Variants in GFRA2 observed in about 807,000 individuals in gnomAD.
GFRA2 encodes GDNF family receptor alpha-2.
Under a neutral mutation model 48.3 loss-of-function variants are expected in GFRA2, and 17 were observed. The observed-to-expected ratio is 0.35, with a 90% CI of 0.24 to 0.53. GFRA2 has a LOEUF of 0.53. Ranked by LOEUF, GFRA2 falls within the 20% of genes least tolerant of loss-of-function variation. The pLI is 0.93. For missense variants in GFRA2, 660 were observed against 637.3 expected (o/e 1.04, Z -0.38); for synonymous variants, 305 against 257.2 (o/e 1.19, Z -1.78).
chr8:21,764,379 T>C (rs558980240), intron 3 of GFRA2, among the ~76,000 whole-genome samples: 4 of 152,308 alleles, frequency 2.6e-5, no homozygotes, highest in Admixed American at 2.0e-4. Flanking sequence ...CATGTCCTAA[T>C]CACCTCCCAA....
At chr8:21,705,199 C>T in intron 5 of GFRA2, 74 bp from the exon 6 acceptor site, 1 of 1,477,524 alleles carries the variant, frequency 6.8e-7, no homozygotes, top group African/African-American at 1.4e-5. Flanking sequence ...AGACCAACCC[C>T]AGGCACAGCA....
rs1166723445 is a variant in GFRA2, at chr8:21,788,135, G to C, written c.25C>G (p.Leu9Val). The part of the protein sequence containing the change: MILANVFC[L>V]FFFLDETLRS... Reference sequence around the variant, plus strand: ...AGGTACTCACCTAGAAAGAAGAAGAGGCAGAAGACGTTTGCCAAGATCATG... The same window carrying C: ...AGGTACTCACCTAGAAAGAAGAAGACGCAGAAGACGTTTGCCAAGATCATG... Residue 9 changes from leucine (L) to valine (V), a missense_variant, in exon 1 of 9, where the codon CTC (leucine) becomes GTC (valine). Leu to Val is a conservative substitution (Grantham distance 32). Transcript: ENST00000524240. 2 of 1,593,290 alleles carry C rather than the reference G, an allele frequency of 1.3e-6. No homozygotes were observed. Among genetic ancestry groups the C allele is most frequent in the Non-Finnish European group, 1.7e-6 (2 of 1,168,520 alleles).
At chr8:21,766,665 A>G (rs958166830) in intron 3 of GFRA2, among the ~76,000 whole-genome samples, 5 of 145,456 alleles carry the variant, frequency 3.4e-5, no homozygotes, top group African/African-American at 1.3e-4. Context: ...CCCTAAGAGG[A>G]TGAACAGGGG....
intron 3 of GFRA2, 75 bp downstream of exon 3, chr8:21,774,897 C>T: frequency 7.3e-6 from 6 of 826,736 alleles, no homozygotes; most frequent in Non-Finnish European, 1.3e-5. Flanking sequence ...GATGCCTGTC[C>T]AAGCCCAGAG....
At chr8:21,799,990 T>C (rs1807743214) in intron 2 of GFRA2, among the ~76,000 whole-genome samples, 1 of 152,204 alleles carries the variant, frequency 6.6e-6, no homozygotes, top group Non-Finnish European at 1.5e-5. Flanking sequence ...TCCCATTGCA[T>C]GGTGCACTTT....
upstream of GFRA2, among the ~76,000 whole-genome samples, chr8:21,789,429 G>A (rs1408206282): frequency 6.6e-6 from 1 of 152,036 alleles, no homozygotes. Context: ...GGAGTCCGTG[G>A]GGCCCGAGCC....
chr8:21,811,166 A>C (rs1807973410), intron 1 of GFRA2, among the ~76,000 whole-genome samples: 2 of 152,112 alleles, frequency 1.3e-5, no homozygotes, highest in East Asian at 3.9e-4. Flanking sequence ...AGAGGCCTTT[A>C]GGGCCCCTGT....
intron 2 of GFRA2, among the ~76,000 whole-genome samples, chr8:21,799,021 A>G (rs956954755): frequency 1.3e-5 from 2 of 152,194 alleles, no homozygotes; most frequent in Non-Finnish European, 2.9e-5. Context: ...CAATGAGTGT[A>G]GAATGAATGA....
At chr8:21,738,596 A>G (rs528184613) in intron 4 of GFRA2, among the ~76,000 whole-genome samples, 1 of 152,256 alleles carries the variant, frequency 6.6e-6, no homozygotes, top group East Asian at 1.9e-4. Context: ...CCTGGCCCAG[A>G]GTCCACGGCT....
chr8:21,725,067 G>A (rs893202987), intron 4 of GFRA2, among the ~76,000 whole-genome samples: 2 of 152,198 alleles, frequency 1.3e-5, no homozygotes, highest in Admixed American at 6.5e-5. Flanking sequence ...TTGAGTGATT[G>A]ATTTGAAGGG....
At chr8:21,741,132 G>A (rs956090691) in intron 4 of GFRA2, among the ~76,000 whole-genome samples, 2 of 152,196 alleles carry the variant, frequency 1.3e-5, no homozygotes, top group African/African-American at 4.8e-5. Flanking sequence ...GGCTTCAGAA[G>A]CTCCTTTCCA....
intron 4 of GFRA2, among the ~76,000 whole-genome samples, chr8:21,721,933 C>T (rs1422521553): frequency 2.0e-5 from 3 of 152,276 alleles, no homozygotes; most frequent in East Asian, 3.9e-4. Context: ...GAGAAAACTG[C>T]GTAGACAAAT....
At chr8:21,736,710 C>T (rs1186609936) in intron 4 of GFRA2, among the ~76,000 whole-genome samples, 1 of 151,934 alleles carries the variant, frequency 6.6e-6, no homozygotes, top group Non-Finnish European at 1.5e-5. Flanking sequence ...CTATGTTGCC[C>T]AGGCTGGTCT....
intron 7 of GFRA2, among the ~76,000 whole-genome samples, chr8:21,697,144 G>T (rs1563211858): frequency 1.0e-4 from 12 of 118,886 alleles, no homozygotes; most frequent in Non-Finnish European, 1.8e-4. Context: ...GGGGACAGAG[G>T]GAGAGGGGAA....
intron 7 of GFRA2, among the ~76,000 whole-genome samples, chr8:21,702,269 T>C (rs1802518630): frequency 6.6e-6 from 1 of 152,092 alleles, no homozygotes; most frequent in South Asian, 2.1e-4. Context: ...GGAGGGCACT[T>C]GGAGGTCAGC....
At chr8:21,717,788 T>C (rs1286998044) in intron 4 of GFRA2, among the ~76,000 whole-genome samples, 1 of 152,150 alleles carries the variant, frequency 6.6e-6, no homozygotes, top group East Asian at 1.9e-4. Context: ...CCTAGGGCTA[T>C]CCTGGGAAAT....
At chr8:21,736,698 C>T (rs1804481453) in intron 4 of GFRA2, among the ~76,000 whole-genome samples, 2 of 151,980 alleles carry the variant, frequency 1.3e-5, no homozygotes, top group African/African-American at 4.8e-5. Flanking sequence ...GACAGTGTCT[C>T]ACTATGTTGC....
chr8:21,806,744 G>A (rs1342974433), intron 1 of GFRA2, among the ~76,000 whole-genome samples: 1 of 152,144 alleles, frequency 6.6e-6, no homozygotes, highest in Non-Finnish European at 1.5e-5. Context: ...TGGGATTACA[G>A]GTACAAGCCA....
rs150505298 is a variant in GFRA2 at position 21,717,549 on chromosome 8, T to C, written c.795-11508A>G. Among the ~76,000 whole-genome samples the C allele has an allele frequency of 2.6e-5, 4 of 152,350 alleles. 1 individual carries two copies. The highest frequency in any genetic ancestry group is 7.2e-5 in the African/African-American group (3 of 41,592). On this transcript the variant is annotated intron_variant, in intron 4 of 8. Coordinates refer to ENST00000524240, the MANE Select transcript of GFRA2 (RefSeq NM_001495.5). ...TGCCTTATGATTGTAATTATTTCTT[T>C]AACTTTAATTGAACTAGGCCTCAGG... is the stretch of plus-strand genomic sequence containing the variant.
Sources: gnomAD v4.1 joint callset for allele counts (sites outside exome capture counted in the v4.1 genomes callset) on GRCh38, gnomAD v4.1.1 for gene constraint, MANE v1.5 for transcripts, NCBI Gene and HGNC (gene_info 2026-07-23, HGNC 2026-07-21) for gene names.